FGD4: variants seen among roughly 807,000 people sequenced by gnomAD.
FGD4 encodes the protein FYVE, RhoGEF and PH domain containing 4, also known as FYVE, RhoGEF and PH domain-containing protein 4.
Under a neutral mutation model 102.0 loss-of-function variants are expected in FGD4, and 42 were observed. The observed-to-expected ratio is 0.41, with a 90% CI of 0.32 to 0.53. The LOEUF is 0.53. FGD4 is among the 20% of genes least tolerant of loss of function. The pLI, the probability that FGD4 is intolerant of heterozygous loss-of-function variation, is 0.21. For missense variants in FGD4, 902 were observed against 1,078.2 expected (o/e 0.84, Z 2.29); for synonymous variants, 380 against 375.7 (o/e 1.01, Z -0.13).
At chr12:32,440,658 A>G (rs1215281614) in intron 1 of FGD4, among the ~76,000 whole-genome samples, 1 of 152,340 alleles carries the variant, frequency 6.6e-6, no homozygotes, top group Non-Finnish European at 1.5e-5. Flanking sequence ...AAGGTTTGCT[A>G]TAACTACTTC....
At chr12:32,588,023 G>A (rs530976131) in intron 4 of FGD4, among the ~76,000 whole-genome samples, 127 of 152,262 alleles carry the variant, frequency 8.3e-4, no homozygotes, top group Non-Finnish European at 1.4e-3. Flanking sequence ...CAATAGAAAA[G>A]GATGTTTAAT....
At chr12:32,501,106 C>A (rs1335306660) in intron 1 of FGD4, among the ~76,000 whole-genome samples, 3 of 152,210 alleles carry the variant, frequency 2.0e-5, no homozygotes, top group Non-Finnish European at 4.4e-5. Flanking sequence ...GGCTGAAATA[C>A]AGTGATGCAG....
At chr12:32,494,251 C>T (rs777963630) in intron 1 of FGD4, among the ~76,000 whole-genome samples, 19 of 152,092 alleles carry the variant, frequency 1.2e-4, no homozygotes, top group East Asian at 1.9e-4. Context: ...TGAGATCTCG[C>T]TATGTTGTCC....
At chr12:32,566,927 G>C (rs575940726) in intron 2 of FGD4, among the ~76,000 whole-genome samples, 43 of 152,352 alleles carry the variant, frequency 2.8e-4, no homozygotes, top group Admixed American at 8.5e-4. Context: ...CAGGCTGGCA[G>C]GAGCAGGGGA....
Position 32,409,282 on chromosome 12 carries a change from CTTTTTTTTCTT to C in FGD4, c.166+9332_166+9342del, listed in dbSNP as rs1172718363. Among the ~76,000 whole-genome samples the C allele has an allele frequency of 1.1e-4, 13 of 114,842 alleles. No individual in the cohort carries two copies. The East Asian group carries it at 3.5e-3, about 31-fold the overall frequency. The allele number at this position is 114,842 out of a possible 152,430, so 75.3% of individuals were successfully genotyped here. On this transcript the variant is annotated intron_variant, in intron 1 of 16. Transcript: ENST00000534526. ...CTCTTTCCTCCCCCCAGTAATTTTT[CTTTTTTTTCTT>C]TTTTTTTTTTTTGAGTTGAAGTCTC...
At chr12:32,563,136 G>A (rs1944798951) in intron 1 of FGD4, among the ~76,000 whole-genome samples, 1 of 150,764 alleles carries the variant, frequency 6.6e-6, no homozygotes, top group African/African-American at 2.4e-5. Context: ...CTGGCCTGGC[G>A]GGGGCTGACC....
At chr12:32,572,926 C>T (rs1344804061) in intron 2 of FGD4, among the ~76,000 whole-genome samples, 1 of 152,120 alleles carries the variant, frequency 6.6e-6, no homozygotes, top group Non-Finnish European at 1.5e-5. Flanking sequence ...ATATAAAGGC[C>T]GTTGGCTGCA....
rs182273253 is a variant in FGD4 at position 32,528,431 on chromosome 12, C to G, written c.167-35706C>G. 1.6e-4 allele frequency among the ~76,000 whole-genome samples: 24 copies of G among 152,302 alleles called. No homozygotes were observed. The East Asian group carries it at 4.2e-3, about 27-fold the overall frequency. On this transcript the variant is annotated intron_variant, in intron 1 of 16. Coordinates refer to ENST00000534526, the MANE Select transcript of FGD4 (RefSeq NM_001370298.3). ...TGAGACGGAGCCTCGCTCTGTCGCC[C>G]AGGCTGGAGTGCAGTGGCATAATCT...
At chr12:32,423,365 G>A (rs1472410697) in intron 1 of FGD4, among the ~76,000 whole-genome samples, 1 of 151,994 alleles carries the variant, frequency 6.6e-6, no homozygotes, top group Non-Finnish European at 1.5e-5. Flanking sequence ...GCCGAGGCGG[G>A]CAGATCACTA....
chr12:32,470,912 A>C (rs1198856562), intron 1 of FGD4, among the ~76,000 whole-genome samples: 1 of 152,102 alleles, frequency 6.6e-6, no homozygotes, highest in East Asian at 1.9e-4. Flanking sequence ...GCTAATGCTG[A>C]CATGTCCCAT....
intron 1 of FGD4, among the ~76,000 whole-genome samples, chr12:32,553,333 C>T (rs1302778874): frequency 6.6e-6 from 1 of 152,172 alleles, no homozygotes; most frequent in Non-Finnish European, 1.5e-5. Context: ...TAAGGTGCCA[C>T]AGACAATAAT....
chr12:32,530,223 C>T (rs1413813056), intron 1 of FGD4, among the ~76,000 whole-genome samples: 2 of 151,980 alleles, frequency 1.3e-5, no homozygotes, highest in Admixed American at 1.3e-4. Context: ...TGGCTCATGC[C>T]TGTAATCACA....
In FGD4 at chr12:32,594,693, T is replaced by C. The variant is rs1017329061; in HGVS notation, c.1012-3804T>C. ...TCCTGGAACTGTACACCAAAAAGGG[T>C]AAATTTTACTGTTTATAAATTATGC... On this transcript the variant is annotated intron_variant, in intron 4 of 16. Transcript: ENST00000534526. 5.9e-5 allele frequency among the ~76,000 whole-genome samples: 9 copies of C among 152,026 alleles called. No homozygotes were observed. The South Asian group carries it at 1.0e-3, about 18-fold the overall frequency.
rs944781662 is a variant in FGD4 at position 32,399,874 on chromosome 12, G to T, written c.81G>T (p.Val27=). 1 of 1,531,186 alleles carries T rather than the reference G, an allele frequency of 6.5e-7. No homozygotes were observed. The highest frequency in any genetic ancestry group is 8.7e-7 in the Non-Finnish European group (1 of 1,145,166). The allele number at this position is 1,531,186 out of a possible 1,614,324, so 94.8% of individuals were successfully genotyped here. A position where few individuals can be genotyped will look rare whatever the true frequency, so the allele number is the denominator to read the frequency against. The change falls in exon 1 of 17, where the codon GTG becomes GTT. Residue 27 remains valine, a synonymous_variant. Coordinates refer to ENST00000534526, the MANE Select transcript of FGD4 (RefSeq NM_001370298.3). ...ACCCCTCCTACCTGCCGCCCGGGGT[G>T]CCCCGGCCCTGGAGCAGGCCCGCGT... ...KSNPSYLPPG[V]PRPWSRPASH...
At chr12:32,546,611 AG>A (rs919682231) in intron 1 of FGD4, among the ~76,000 whole-genome samples, 1 of 152,168 alleles carries the variant, frequency 6.6e-6, no homozygotes, top group Non-Finnish European at 1.5e-5. Context: ...CTTCTCCCTG[AG>A]GAGGTTTGGG....
At chr12:32,487,594 T>C (rs1943948782) in intron 1 of FGD4, among the ~76,000 whole-genome samples, 2 of 152,150 alleles carry the variant, frequency 1.3e-5, no homozygotes, top group African/African-American at 4.8e-5. Flanking sequence ...ACCTGGCTAA[T>C]TTTTGTGTTT....
chr12:32,603,677 G>A (rs538497657), intron 7 of FGD4, among the ~76,000 whole-genome samples: 2 of 151,718 alleles, frequency 1.3e-5, no homozygotes, highest in African/African-American at 2.4e-5. Flanking sequence ...GAGCCACCGC[G>A]CCTGGCCTTT....
intron 1 of FGD4, among the ~76,000 whole-genome samples, chr12:32,512,540 G>A (rs1273312673): frequency 6.6e-6 from 1 of 151,844 alleles, no homozygotes; most frequent in African/African-American, 2.4e-5. Flanking sequence ...GGACTCACAC[G>A]CCAAGCCCCT....
At chr12:32,489,744 A>G (rs143240931) in intron 1 of FGD4, among the ~76,000 whole-genome samples, 1,623 of 152,274 alleles carry the variant, frequency 0.011, 25 homozygotes, top group African/African-American at 0.037. Flanking sequence ...ATCTTGTAAG[A>G]TAGGTGATAT....
Sources: allele counts gnomAD v4.1 joint callset (sites outside exome capture counted in the v4.1 genomes callset), GRCh38; gene constraint gnomAD v4.1.1; transcripts MANE v1.5; gene names NCBI Gene and HGNC (gene_info 2026-07-23, HGNC 2026-07-21).